The following STXBP4 variants were observed in gnomAD, a reference collection of about 807,000 sequenced individuals.
STXBP4 encodes syntaxin-binding protein 4.
Under a neutral mutation model 76.1 loss-of-function variants are expected in STXBP4, and 55 were observed. The observed-to-expected ratio is 0.72, with a 90% CI of 0.58 to 0.91. The LOEUF (loss-of-function observed/expected upper bound fraction) is 0.91, where lower values mean the gene tolerates loss of function less well. Ranked by LOEUF, STXBP4 falls within the 40% of genes least tolerant of loss-of-function variation. STXBP4 has a pLI of 0.00. For synonymous variants in STXBP4, 201 were observed against 220.2 expected, an observed-to-expected ratio of 0.91 and a Z score of 0.77; for missense variants, 618 against 636.9, an observed-to-expected ratio of 0.97 and a Z score of 0.32.
chr17:55,006,249 T>G (rs2078006058), intron 7 of STXBP4, among the ~76,000 whole-genome samples: 1 of 152,244 alleles, frequency 6.6e-6, no homozygotes, highest in East Asian at 1.9e-4. Flanking sequence ...ACATAGAATG[T>G]TAAGGATGTG....
chr17:55,021,800 A>G (rs924433590), intron 8 of STXBP4, among the ~76,000 whole-genome samples: 3 of 152,296 alleles, frequency 2.0e-5, no homozygotes, highest in Admixed American at 6.5e-5. Context: ...GTTATTTTTT[A>G]GAAAAAAATG....
chr17:55,135,332 T>G (rs2145134161), intron 16 of STXBP4, among the ~76,000 whole-genome samples: 1 of 152,256 alleles, frequency 6.6e-6, no homozygotes, highest in Non-Finnish European at 1.5e-5. Context: ...ATGCACAAAA[T>G]ATGTAAAATT....
rs1352330175 is a variant in STXBP4, at chr17:55,163,898, AAT to A, written c.*3991_*3992del. ...ATAATAAATGCAAAGCAGCTGTCAA[AAT>A]ATAGAGTCAAGTGATACTTTCATAA... On this transcript the variant is annotated 3_prime_UTR_variant, in exon 18 of 18. Transcript: ENST00000376352. 6.6e-6 allele frequency: 1 copy of A among 152,668 alleles called. No individual in the cohort carries two copies. The highest frequency in any genetic ancestry group is 1.5e-5 in the Non-Finnish European group (1 of 68,030). 9.5% of individuals were successfully genotyped at this position (152,668 alleles called of 1,614,324 possible).
chr17:54,977,905 C>T (rs1255063126), intron 1 of STXBP4, among the ~76,000 whole-genome samples: 4 of 152,126 alleles, frequency 2.6e-5, no homozygotes, highest in Non-Finnish European at 5.9e-5. Flanking sequence ...TCTAACTTGT[C>T]AGTCCACAGA....
intron 16 of STXBP4, among the ~76,000 whole-genome samples, chr17:55,091,460 C>A (rs929571831): frequency 6.6e-6 from 1 of 151,990 alleles, no homozygotes; most frequent in Non-Finnish European, 1.5e-5. Context: ...ATTTGAAATG[C>A]CCCAAAATCC....
Position 55,111,162 on chromosome 17 carries a change from T to C in STXBP4, c.1489+29979T>C, listed in dbSNP as rs117039206. ...GATTTCCCTACAGTCTATTCTCTAG[T>C]AGCCTTCAATACATAAATTAGACCA... On this transcript the variant is annotated intron_variant, in intron 16 of 17. Coordinates refer to ENST00000376352, the MANE Select transcript of STXBP4 (RefSeq NM_178509.6). 3.5e-3 allele frequency among the ~76,000 whole-genome samples: 527 copies of C among 152,242 alleles called. 13 individuals carry two copies. Among genetic ancestry groups the C allele is most frequent in the Middle Eastern group, 0.027 (8 of 294 alleles).
intron 11 of STXBP4, among the ~76,000 whole-genome samples, chr17:55,045,015 A>G (rs546100771): frequency 6.6e-6 from 1 of 152,142 alleles, no homozygotes; most frequent in Non-Finnish European, 1.5e-5. Context: ...GTTTTTAAAA[A>G]TAATTTCATC....
chr17:55,124,410 T>TTA (rs1227580043), intron 16 of STXBP4, among the ~76,000 whole-genome samples: 14 of 152,212 alleles, frequency 9.2e-5, no homozygotes, highest in Admixed American at 8.5e-4. Context: ...TTATTAATAG[T>TTA]TATATATAAA....
At chr17:55,185,272 T>TCTC in the STXBP4 span, among the ~76,000 whole-genome samples, 19 of 59,188 alleles carry the variant, frequency 3.2e-4, no homozygotes, top group East Asian at 6.9e-4. Context: ...TCCTTCTCCT[T>TCTC]CTCCTTCTCC....
chr17:55,054,657 G>T (rs1330417682), intron 12 of STXBP4, among the ~76,000 whole-genome samples: 2 of 152,072 alleles, frequency 1.3e-5, no homozygotes, highest in African/African-American at 4.8e-5. Flanking sequence ...TCTGCAAAAT[G>T]GGTTTGATAA....
chr17:55,003,262 A>G (rs191879372), intron 7 of STXBP4, among the ~76,000 whole-genome samples: 1 of 152,330 alleles, frequency 6.6e-6, no homozygotes, highest in Non-Finnish European at 1.5e-5. Context: ...ACTCAGGTAA[A>G]TTTATACCAG....
At chr17:54,970,156 G>A (rs2077371551) in intron 1 of STXBP4, among the ~76,000 whole-genome samples, 1 of 152,162 alleles carries the variant, frequency 6.6e-6, no homozygotes, top group South Asian at 2.1e-4. Flanking sequence ...GAAAGTGGTA[G>A]GAAATGGGGT....
At chr17:55,025,834 G>A (rs1222679541) in intron 8 of STXBP4, among the ~76,000 whole-genome samples, 7 of 152,080 alleles carry the variant, frequency 4.6e-5, no homozygotes. Context: ...ATTGCAGGAA[G>A]AATTAAAACT....
intron 12 of STXBP4, among the ~76,000 whole-genome samples, chr17:55,062,672 A>G (rs1394449511): frequency 1.3e-5 from 2 of 152,148 alleles, no homozygotes; most frequent in African/African-American, 4.8e-5. Context: ...AGAAATCTCC[A>G]CACTGTCTTC....
chr17:55,047,699 A>G (rs943145163), intron 12 of STXBP4, among the ~76,000 whole-genome samples: 3 of 151,872 alleles, frequency 2.0e-5, no homozygotes, highest in Non-Finnish European at 4.4e-5. Flanking sequence ...AAATAAGAGA[A>G]CATTGTTAGA....
chr17:55,098,001 C>G (rs1276785320), intron 16 of STXBP4, among the ~76,000 whole-genome samples: 2 of 152,104 alleles, frequency 1.3e-5, no homozygotes, highest in Non-Finnish European at 2.9e-5. Flanking sequence ...CTTAATATCA[C>G]CATTATCATC....
At chr17:54,977,252 G>T (rs778508869) in intron 1 of STXBP4, among the ~76,000 whole-genome samples, 1 of 152,070 alleles carries the variant, frequency 6.6e-6, no homozygotes, top group Non-Finnish European at 1.5e-5. Context: ...CAGAATAAAA[G>T]ATAATAAAAT....
At chr17:55,123,898 CAA>C (rs1004442773) in intron 16 of STXBP4, among the ~76,000 whole-genome samples, 1 of 135,258 alleles carries the variant, frequency 7.4e-6, no homozygotes. Context: ...GACTCAGTCT[CAA>C]AAAAAAAAAA....
the STXBP4 span, among the ~76,000 whole-genome samples, chr17:55,185,468 TAGAG>T: frequency 2.4e-4 from 37 of 151,810 alleles, no homozygotes; most frequent in African/African-American, 5.8e-4. Context: ...TGTGTGCACA[TAGAG>T]AGGAAAAGAG....
Sources: gnomAD v4.1 joint callset for allele counts (sites outside exome capture counted in the v4.1 genomes callset) on GRCh38, gnomAD v4.1.1 for gene constraint, MANE v1.5 for transcripts, NCBI Gene and HGNC (gene_info 2026-07-23, HGNC 2026-07-21) for gene names.